Variants in PKHD1 observed in about 807,000 individuals in gnomAD.
PKHD1 encodes fibrocystin.
PKHD1 carries 291 observed loss-of-function variants against 412.0 expected under a neutral mutation model. The ratio of observed to expected loss-of-function variants is 0.71; its 90% CI spans 0.64 to 0.78. PKHD1 has a LOEUF of 0.78. Among genes scored for constraint, PKHD1 ranks in the 30% least tolerant of loss-of-function variants. The pLI is 0.00. For missense variants in PKHD1, 4,825 were observed against 4,950.7 expected (o/e 0.97, Z 0.76); for synonymous variants, 1,777 against 1,821.5 (o/e 0.98, Z 0.62).
chr6:51,666,932 T>C (rs2150467821), intron 60 of PKHD1, among the ~76,000 whole-genome samples: 1 of 151,886 alleles, frequency 6.6e-6, no homozygotes, highest in Non-Finnish European at 1.5e-5. Flanking sequence ...ATTTTCTTAA[T>C]CCAGTCTATC....
chr6:51,743,829 C>T (rs1289815670), intron 60 of PKHD1, among the ~76,000 whole-genome samples: 1 of 152,088 alleles, frequency 6.6e-6, no homozygotes, highest in Non-Finnish European at 1.5e-5. Context: ...ATGATCTCTC[C>T]AGGGGTCCAG....
chr6:51,811,847 G>C (rs532689120), intron 52 of PKHD1, among the ~76,000 whole-genome samples: 1 of 152,056 alleles, frequency 6.6e-6, no homozygotes, highest in Non-Finnish European at 1.5e-5. Flanking sequence ...ATCCAGGGGA[G>C]GGCAAAAAGA....
chr6:52,071,104 A>G (rs374816281), intron 8 of PKHD1, 34 bp from the exon 9 acceptor site: 82 of 1,396,032 alleles, frequency 5.9e-5, no homozygotes, highest in Non-Finnish European at 8.3e-5. Flanking sequence ...AAGAATGACC[A>G]GACAACTCAC....
intron 39 of PKHD1, among the ~76,000 whole-genome samples, chr6:51,910,369 G>T (rs1447396778): frequency 6.6e-6 from 1 of 152,022 alleles, no homozygotes; most frequent in East Asian, 1.9e-4. Flanking sequence ...CCAATCATTT[G>T]CTATTACCCA....
At position 52,065,990 on chromosome 6, in the gene PKHD1, T is replaced by C. The variant is rs749296580; in HGVS notation, c.866A>G (p.Gln289Arg). ...ITGDFFDNSA[Q>R]VTIAGIPCDI... ...ATCATAGTTACCTGCAATGGTAACC[T>C]GGGCAGAATTGTCAAAAAAGTCTCC... Residue 289 changes from glutamine (Q) to arginine (R), a missense_variant, in exon 12 of 67, where the codon CAG becomes CGG. Physicochemically the swap from Gln to Arg is conservative, Grantham distance 43 (BLOSUM62 1). Transcript: ENST00000371117. 1 of 1,558,358 alleles carries C rather than the reference T, an allele frequency of 6.4e-7. No individual in the cohort carries two copies.
intron 53 of PKHD1, among the ~76,000 whole-genome samples, chr6:51,778,918 T>G (rs1374892813): frequency 6.6e-6 from 1 of 152,082 alleles, no homozygotes; most frequent in Admixed American, 6.6e-5. Flanking sequence ...ATGTTTTACC[T>G]TCATCTTAAC....
intron 43 of PKHD1, among the ~76,000 whole-genome samples, chr6:51,897,659 A>G (rs1425473355): frequency 6.8e-6 from 1 of 146,208 alleles, no homozygotes; most frequent in African/African-American, 2.6e-5. Flanking sequence ...ATTCACACAT[A>G]ACAATATTAA....
At chr6:52,006,307 T>C (rs3097555) in intron 35 of PKHD1, among the ~76,000 whole-genome samples, 66,620 of 151,392 alleles carry the variant, frequency 0.44, 15,903 homozygotes, top group Admixed American at 0.57. Context: ...CCCAAGTTGC[T>C]GGGATTACAG....
At chr6:52,038,311 G>T (rs937571088) in intron 27 of PKHD1, among the ~76,000 whole-genome samples, 1 of 151,540 alleles carries the variant, frequency 6.6e-6, no homozygotes, top group Admixed American at 6.6e-5. Context: ...GCAGGCAAAG[G>T]TTGCAGTGAG....
intron 35 of PKHD1, among the ~76,000 whole-genome samples, chr6:51,989,427 C>T (rs555930938): frequency 1.3e-5 from 2 of 152,248 alleles, no homozygotes; most frequent in East Asian, 1.9e-4. Flanking sequence ...TCCAAAAATA[C>T]GTATAGGTAC....
rs1431726457 is a variant in PKHD1 at position 51,619,008 on chromosome 6, A to T, written c.*73T>A. Reference sequence around the variant, plus strand: ...TAGTTGTCCCAGCAGGACAGTCCTCACTTCCCCAGCTTATTATCCAGAAAT... The same window carrying T: ...TAGTTGTCCCAGCAGGACAGTCCTCTCTTCCCCAGCTTATTATCCAGAAAT... On this transcript the variant is annotated 3_prime_UTR_variant, in exon 67 of 67. Transcript: ENST00000371117. 1 of 1,386,650 alleles carries T rather than the reference A, an allele frequency of 7.2e-7. No homozygotes were observed. The allele number at this position is 1,386,650 out of a possible 1,614,324, so 85.9% of individuals were successfully genotyped here. A position where few individuals can be genotyped will look rare whatever the true frequency, so the allele number is the denominator to read the frequency against.
chr6:51,870,598 T>A lies in PKHD1; in HGVS notation c.7392A>T (p.Arg2464Ser), dbSNP rs1775822734. 1 of 1,609,554 alleles carries A rather than the reference T, an allele frequency of 6.2e-7. No individual in the cohort carries two copies. Among genetic ancestry groups the A allele is most frequent in the Non-Finnish European group, 8.5e-7 (1 of 1,175,990 alleles). ...TTGTGTTAGACACCATCAGTTCCCA[T>A]CTTTTAGGAGTTTTAATCCCAGATG... ...CMSSGIKTPKRWELMVSNTTF... is the reference protein window; with the variant it reads ...CMSSGIKTPKSWELMVSNTTF... The change falls in exon 47 of 67, where the codon AGA (arginine) becomes AGT (serine). Residue 2464 changes from arginine to serine, a missense_variant. Transcript: ENST00000371117.
intron 60 of PKHD1, among the ~76,000 whole-genome samples, chr6:51,711,267 C>T (rs1031722634): frequency 2.6e-5 from 4 of 152,148 alleles, no homozygotes; most frequent in African/African-American, 9.7e-5. Context: ...TCCTGAGTTG[C>T]CTTCCCTCCT....
chr6:51,746,819 T>C lies in PKHD1; in HGVS notation c.9900A>G (p.Ala3300=), dbSNP rs1176624893. 1 of 1,610,512 alleles carries C rather than the reference T, an allele frequency of 6.2e-7. No individual in the cohort carries two copies. The highest frequency in any genetic ancestry group is 8.5e-7 in the Non-Finnish European group (1 of 1,176,948). The stretch of plus-strand genomic sequence containing the variant: ...TTGGGTGCATAATTCCACTGTTCTC[T>C]GCATTTGGTAGAATGCAGACATCCA... The part of the protein sequence containing the change: ...DDLDVCILPN[A]ENSGIMHPIT... Residue 3300 remains alanine (A), a synonymous_variant, in exon 59 of 67, where the codon GCA becomes GCG. Coordinates refer to ENST00000371117, the MANE Select transcript of PKHD1 (RefSeq NM_138694.4).
chr6:51,718,369 C>CTTATT (rs1338136654), intron 60 of PKHD1, among the ~76,000 whole-genome samples: 10 of 152,178 alleles, frequency 6.6e-5, no homozygotes, highest in Non-Finnish European at 1.2e-4. Flanking sequence ...CTTAAGCACA[C>CTTATT]TTATTCTATC....
chr6:51,770,091 A>G (rs1001130809), intron 55 of PKHD1, among the ~76,000 whole-genome samples: 1 of 151,696 alleles, frequency 6.6e-6, no homozygotes, highest in Admixed American at 6.6e-5. Context: ...CTTTTATTAT[A>G]TTATTCATGT....
rs1781672753 is a variant in PKHD1, at chr6:51,903,861, T to TATATATATATATA, written c.6865+124_6865+125insTATATATATATAT. The TATATATATATATA allele has an allele frequency of 5.1e-4, 184 of 363,860 alleles. 3 individuals carry two copies. In the African/African-American group the frequency reaches 5.8e-3, roughly 12 times the overall value. 22.5% of individuals were successfully genotyped at this position (363,860 alleles called of 1,614,324 possible). On this transcript the variant is annotated intron_variant, in intron 42 of 66. Coordinates refer to ENST00000371117, the MANE Select transcript of PKHD1 (RefSeq NM_138694.4). ...TATATATATATATATATATATATAT[T>TATATATATATATA]TAGAAAATATTTAGTATGCACAATA...
At chr6:51,646,257 AC>A (rs1462390075) in intron 63 of PKHD1, among the ~76,000 whole-genome samples, 1 of 152,228 alleles carries the variant, frequency 6.6e-6, no homozygotes, top group Non-Finnish European at 1.5e-5. Flanking sequence ...AAGGAAATAC[AC>A]AATCCTACCC....
At chr6:52,048,467 G>C in intron 23 of PKHD1, 25 bp downstream of exon 23, 1 of 1,612,472 alleles carries the variant, frequency 6.2e-7, no homozygotes, top group Non-Finnish European at 8.5e-7. Flanking sequence ...AGTGAGAATT[G>C]TTGCAACCCC....
Sources: gnomAD v4.1 joint callset for allele counts (sites outside exome capture counted in the v4.1 genomes callset) on GRCh38, gnomAD v4.1.1 for gene constraint, MANE v1.5 for transcripts, NCBI Gene and HGNC (gene_info 2026-07-23, HGNC 2026-07-21) for gene names.